Variants in KLHL2 observed in about 807,000 individuals in gnomAD.
KLHL2 encodes kelch-like protein 2.
KLHL2 carries 15 observed loss-of-function variants against 75.8 expected under a neutral mutation model. That is an observed-to-expected ratio of 0.20 (90% confidence interval 0.13 to 0.30). The LOEUF (loss-of-function observed/expected upper bound fraction) is 0.30, where lower values mean the gene tolerates loss of function less well. Ranked by LOEUF, KLHL2 falls within the 10% of genes least tolerant of loss-of-function variation. The pLI is 1.00. For synonymous variants in KLHL2, 214 were observed against 251.9 expected (o/e 0.85, Z 1.42); for missense variants, 381 against 741.0 (o/e 0.51, Z 5.64).
chr4:165,291,104 G>A (rs940904785), intron 5 of KLHL2, among the ~76,000 whole-genome samples: 1 of 152,158 alleles, frequency 6.6e-6, no homozygotes, highest in African/African-American at 2.4e-5. Context: ...CTTTCCATGT[G>A]CTTATTTGCC....
At chr4:165,299,783 T>A in intron 8 of KLHL2, 127 bp downstream of exon 8, 1 of 768,808 alleles carries the variant, frequency 1.3e-6, no homozygotes, top group Non-Finnish European at 2.0e-6. Flanking sequence ...AAAATGTGCC[T>A]AAGAATGCAT....
chr4:165,319,259 C>G lies in KLHL2; in HGVS notation c.1753+1290C>G, dbSNP rs974481919. On this transcript the variant is annotated intron_variant, in intron 14 of 14. Transcript: ENST00000226725. This position sits in a 1 kb window ranked among gnomAD's most constrained non-coding sequence, Gnocchi z 4.5. ...GCGATGCGTATCTCAGTAAAAAGTT[C>G]TCTCTCATGGTTCTGCCTTATTTTT... Among the ~76,000 whole-genome samples, 1 of 152,302 alleles carries G rather than the reference C, an allele frequency of 6.6e-6. No individual in the cohort carries two copies. The highest frequency in any genetic ancestry group is 1.5e-5 in the Non-Finnish European group (1 of 68,026).
At chr4:165,260,578 G>GT (rs201581596) in intron 4 of KLHL2, among the ~76,000 whole-genome samples, 10,449 of 147,734 alleles carry the variant, frequency 0.071, 463 homozygotes, top group Middle Eastern at 0.14. Flanking sequence ...GTGTGTGTGT[G>GT]GGGGGGGTGT....
intron 1 of KLHL2, 81 bp from the exon 2 acceptor site, chr4:165,219,853 C>G: frequency 4.3e-6 from 6 of 1,398,220 alleles, no homozygotes; most frequent in Non-Finnish European, 5.8e-6. Flanking sequence ...CATTCATTGT[C>G]TCTCTTGTAG....
chr4:165,297,767 G>GTGGAT, intron 7 of KLHL2, 42 bp downstream of exon 7: 15 of 1,163,232 alleles, frequency 1.3e-5, no homozygotes, highest in Non-Finnish European at 1.7e-5. Flanking sequence ...ACAGCACTGT[G>GTGGAT]TCACTGGCCT....
At chr4:165,279,783 C>T in intron 5 of KLHL2, 1 of 744,028 alleles carries the variant, frequency 1.3e-6, no homozygotes, top group East Asian at 2.6e-5. Flanking sequence ...TACTGGCTGG[C>T]TAGCAGGCTA....
At chr4:165,317,251 C>T (rs1055482626) in intron 13 of KLHL2, among the ~76,000 whole-genome samples, 65 of 150,854 alleles carry the variant, frequency 4.3e-4, no homozygotes, top group African/African-American at 1.5e-3. Flanking sequence ...AGTTTCTAAC[C>T]TATAATGTTG....
chr4:165,269,862 G>T (rs1579084438), intron 5 of KLHL2, among the ~76,000 whole-genome samples: 2 of 152,120 alleles, frequency 1.3e-5, no homozygotes, highest in East Asian at 3.9e-4. Flanking sequence ...TTGAATGTTG[G>T]CCTGCCTTGC....
intron 4 of KLHL2, among the ~76,000 whole-genome samples, chr4:165,255,546 C>T (rs530158236): frequency 2.1e-4 from 32 of 152,098 alleles, no homozygotes; most frequent in African/African-American, 5.8e-4. Context: ...GGGGCTGGCC[C>T]GGTGCAGAGT....
intron 4 of KLHL2, among the ~76,000 whole-genome samples, chr4:165,242,194 G>C: frequency 6.6e-6 from 1 of 152,048 alleles, no homozygotes; most frequent in East Asian, 1.9e-4. Flanking sequence ...TGTTGCTGTT[G>C]AGTGAATTAA....
rs1388188412 is a variant in KLHL2, at chr4:165,310,576, G to A, written c.1063G>A (p.Val355Ile). The change falls in exon 10 of 15, where the codon GTT becomes ATT. Residue 355 changes from valine to isoleucine, a missense_variant. Around this residue, in one of 5 missense-constraint regions of KLHL2, gnomAD observed 168 missense variants for 370.4 expected, o/e 0.45. Coordinates refer to ENST00000226725, the MANE Select transcript of KLHL2 (RefSeq NM_007246.4). ...RAGMVYMAGL[V>I]FAVGGFNGSL... ...AGGCATGGTCTACATGGCTGGACTT[G>A]TTTTTGCTGTTGGTGGCTTTAATGG... The A allele has an allele frequency of 1.2e-6, 2 of 1,614,004 alleles. No homozygotes were observed. The highest frequency in any genetic ancestry group is 1.7e-6 in the Non-Finnish European group (2 of 1,179,896).
chr4:165,283,810 C>T (rs1743876299), intron 5 of KLHL2, among the ~76,000 whole-genome samples: 1 of 152,258 alleles, frequency 6.6e-6, no homozygotes, highest in Non-Finnish European at 1.5e-5. Context: ...GACCCCGCCC[C>T]TGCAGCAAAC....
chr4:165,320,548 T>C (rs1367160031), intron 14 of KLHL2, among the ~76,000 whole-genome samples: 1 of 152,158 alleles, frequency 6.6e-6, no homozygotes. Context: ...AGCCTCTAGA[T>C]CAGTGACCAT....
At chr4:165,306,152 A>G (rs750398899) in intron 9 of KLHL2, among the ~76,000 whole-genome samples, 12 of 152,248 alleles carry the variant, frequency 7.9e-5, no homozygotes, top group Non-Finnish European at 1.6e-4. Context: ...TCATTTAGCC[A>G]AAGCTGTGAT....
At position 165,314,123 on chromosome 4, in the gene KLHL2, A is replaced by G. The variant is rs1024793575; in HGVS notation, c.1566A>G (p.Ala522=). 9 of 1,613,668 alleles carry G rather than the reference A, an allele frequency of 5.6e-6. 1 individual carries two copies. The Middle Eastern group carries it at 4.9e-4, about 88-fold the overall frequency. Reference sequence around the variant, plus strand: ...AAGTATATGATCCCACCACTAACGCATGGAGACAGGTTGCAGATATGAACA... The same window carrying G: ...AAGTATATGATCCCACCACTAACGCGTGGAGACAGGTTGCAGATATGAACA... ...SVEVYDPTTN[A]WRQVADMNMC... Residue 522 remains alanine, a synonymous_variant, in exon 13 of 15, where the codon GCA becomes GCG. Transcript: ENST00000226725.
At chr4:165,256,825 C>G (rs989045614) in intron 4 of KLHL2, among the ~76,000 whole-genome samples, 1 of 152,084 alleles carries the variant, frequency 6.6e-6, no homozygotes, top group Non-Finnish European at 1.5e-5. Context: ...TGGTATAGCC[C>G]TCTAATACTG....
intron 3 of KLHL2, among the ~76,000 whole-genome samples, chr4:165,233,356 T>C (rs1487628809): frequency 6.6e-6 from 1 of 152,272 alleles, no homozygotes; most frequent in Non-Finnish European, 1.5e-5. Flanking sequence ...GAAAGCTGTT[T>C]GCTTAACACA....
intron 5 of KLHL2, among the ~76,000 whole-genome samples, chr4:165,271,406 G>A (rs569864193): frequency 1.3e-4 from 20 of 152,096 alleles, no homozygotes; most frequent in Admixed American, 1.3e-3. Flanking sequence ...ATTTTATTTT[G>A]TAGCTATTAT....
At chr4:165,246,466 C>A (rs576035603) in intron 4 of KLHL2, among the ~76,000 whole-genome samples, 1 of 151,932 alleles carries the variant, frequency 6.6e-6, no homozygotes, top group Non-Finnish European at 1.5e-5. Context: ...AAGTTGGAGG[C>A]CCTTTAGATA....
Sources: allele counts gnomAD v4.1 joint callset (sites outside exome capture counted in the v4.1 genomes callset), GRCh38; gene constraint gnomAD v4.1.1; regional missense constraint gnomAD v4.1.1; non-coding constraint Gnocchi (gnomAD v3.1); transcripts MANE v1.5; gene names NCBI Gene and HGNC (gene_info 2026-07-23, HGNC 2026-07-21).